AARSD1: variants seen among roughly 807,000 people sequenced by gnomAD.
The protein encoded by AARSD1 is alanyl-tRNA editing protein Aarsd1.
In AARSD1, 44 loss-of-function variants were observed where a neutral mutation model predicts 48.7. The observed-to-expected ratio is 0.90, with a 90% confidence interval of 0.71 to 1.16. The LOEUF is 1.16. Ranked by LOEUF, AARSD1 falls within the 50% of genes most tolerant of loss-of-function variation. The pLI is 0.00. For missense variants in AARSD1, 511 were observed against 523.1 expected (o/e 0.98, Z 0.23); for synonymous variants, 189 against 194.9 (o/e 0.97, Z 0.25).
rs1201004634 is a variant in AARSD1, at chr17:42,954,987, T to G, written c.862-20A>C. On this transcript the variant is annotated intron_variant, in intron 8 of 11. Coordinates refer to ENST00000427569, the MANE Select transcript of AARSD1 (RefSeq NM_001261434.2). Reference sequence around the variant, plus strand: ...GTTATTCTGAAATGGATATGGTAACTCAGTAGATAAATGGAAAGGATAACA... The same window carrying G: ...GTTATTCTGAAATGGATATGGTAACGCAGTAGATAAATGGAAAGGATAACA... The G allele has an allele frequency of 6.2e-7, 1 of 1,614,066 alleles. No individual in the cohort carries two copies. Among genetic ancestry groups the G allele is most frequent in the Admixed American group, 1.7e-5 (1 of 60,002 alleles).
chr17:42,964,286 TAGCCC>T, intron 1 of AARSD1, 49 bp from the exon 2 acceptor site: 2 of 1,611,732 alleles, frequency 1.2e-6, no homozygotes, highest in Non-Finnish European at 1.7e-6. Flanking sequence ...GCCCTAGCCC[TAGCCC>T]TCTCCACACC....
Position 42,964,198 on chromosome 17 carries a change from G to A in AARSD1, c.79C>T (p.Gln27Ter), listed in dbSNP as rs2049679902. The A allele has an allele frequency of 6.2e-7, 1 of 1,614,196 alleles. No individual in the cohort carries two copies. Among genetic ancestry groups the A allele is most frequent in the South Asian group, 1.1e-5 (1 of 91,084 alleles). Residue 27 changes from glutamine (Q) to a stop codon, truncating the protein, a stop_gained, in exon 2 of 12, where the codon CAG becomes TAG. Coordinates refer to ENST00000427569, the MANE Select transcript of AARSD1 (RefSeq NM_001261434.2). LOFTEE classifies it high-confidence loss of function. ...TTCTTGCCGTTGCTCCCTTCAGTCT[G>A]CAGCTCCGCGGGACAGCAGGAGACC... ...TVVSCCPAELQTEGSNGKKEV... is the reference protein window; with the variant it reads ...TVVSCCPAEL
chr17:42,953,164 G>A (rs1445233952), intron 10 of AARSD1, among the ~76,000 whole-genome samples: 1 of 152,086 alleles, frequency 6.6e-6, no homozygotes, highest in Non-Finnish European at 1.5e-5. Flanking sequence ...TATTTTAGTA[G>A]AGATAGGGTT....
At chr17:42,950,937 T>C (rs1297349751) in intron 11 of AARSD1, among the ~76,000 whole-genome samples, 1 of 151,786 alleles carries the variant, frequency 6.6e-6, no homozygotes, top group Non-Finnish European at 1.5e-5. Context: ...AGTGGGTGGA[T>C]CACCTGAGGT....
intron 2 of AARSD1, among the ~76,000 whole-genome samples, chr17:42,963,262 G>A (rs961664222): frequency 3.3e-5 from 5 of 150,712 alleles, no homozygotes; most frequent in African/African-American, 1.2e-4. Flanking sequence ...TATATTTTTA[G>A]TAGAGACAAG....
chr17:42,956,144 ATG>A, intron 6 of AARSD1, 58 bp downstream of exon 6: 2 of 1,612,290 alleles, frequency 1.2e-6, no homozygotes. Flanking sequence ...TCCCAGCCCC[ATG>A]TGATCCCCTC....
In AARSD1 at chr17:42,954,898, C is replaced by T; in HGVS notation, c.931G>A (p.Gly311Arg). Residue 311 changes from glycine (G) to arginine (R), a missense_variant, in exon 9 of 12, where the codon GGA (glycine) becomes AGA (arginine). By Grantham distance (125) the Gly-to-Arg change is moderately radical (BLOSUM62 -2). Coordinates refer to ENST00000427569, the MANE Select transcript of AARSD1 (RefSeq NM_001261434.2). Reference protein sequence around the residue: ...AHSLRNSPDWGGVVILHRKEG... With the variant: ...AHSLRNSPDWRGVVILHRKEG... ...CACCTGTGTAATATGACCACACCTCCCCAGTCTGGACTGTTCCTGAGGCTA... is the reference window on the plus strand; with the variant it reads ...CACCTGTGTAATATGACCACACCTCTCCAGTCTGGACTGTTCCTGAGGCTA... 6.2e-7 allele frequency: 1 copy of T among 1,614,128 alleles called. No homozygotes were observed. The highest frequency in any genetic ancestry group is 8.5e-7 in the Non-Finnish European group (1 of 1,180,006).
Position 42,961,270 on chromosome 17 carries a change from T to C in AARSD1, c.253A>G (p.Thr85Ala), listed in dbSNP as rs1215115820. Reference sequence around the variant, plus strand: ...ACCTGGCTTCCTGGATCCAGGGGTGTCTGGGTGAAATGATCAGCCTGTTCC... The same window carrying C: ...ACCTGGCTTCCTGGATCCAGGGGTGCCTGGGTGAAATGATCAGCCTGTTCC... Reference protein sequence around the residue: ...RGEQADHFTQTPLDPGSQVLV... With the variant: ...RGEQADHFTQAPLDPGSQVLV... The change falls in exon 3 of 12, where the codon ACA becomes GCA. Residue 85 changes from threonine (T) to alanine (A), a missense_variant. By Grantham distance (58) the Thr-to-Ala change is moderately conservative. Coordinates refer to ENST00000427569, the MANE Select transcript of AARSD1 (RefSeq NM_001261434.2). 6.2e-7 allele frequency: 1 copy of C among 1,614,110 alleles called. No homozygotes were observed.
chr17:42,954,371 A>C (rs1225920258), intron 9 of AARSD1, among the ~76,000 whole-genome samples: 1 of 152,032 alleles, frequency 6.6e-6, no homozygotes, highest in Non-Finnish European at 1.5e-5. Flanking sequence ...AAAACAAAAG[A>C]TACAGAGTTA....
chr17:42,964,327 C>T, intron 1 of AARSD1, 75 bp downstream of exon 1: 3 of 1,593,782 alleles, frequency 1.9e-6, no homozygotes, highest in African/African-American at 1.3e-5. Context: ...GTTGGCACTC[C>T]CTACACGTGG....
chr17:42,961,067 G>A, intron 3 of AARSD1, 125 bp downstream of exon 3: 1 of 1,425,114 alleles, frequency 7.0e-7, no homozygotes, highest in Non-Finnish European at 9.3e-7. Flanking sequence ...AATTACAGCT[G>A]ATTCTGAATA....
rs753176340 is a variant in AARSD1 at position 42,953,760 on chromosome 17, C to G, written c.972G>C (p.Glu324Asp). The change falls in exon 10 of 12, where the codon GAG (glutamate) becomes GAC (aspartate). Residue 324 changes from glutamate (E) to aspartate (D), a missense_variant. By Grantham distance (45) the Glu-to-Asp change is conservative (BLOSUM62 2). Coordinates refer to ENST00000427569, the MANE Select transcript of AARSD1 (RefSeq NM_001261434.2). ...TCTCATTGGCAATGATATTCATGAA[C>G]TCTGAATCACCCTCCTTCCTACAAC... Reference protein sequence around the residue: ...VILHRKEGDSEFMNIIANEIG... With the variant: ...VILHRKEGDSDFMNIIANEIG... 2.4e-5 allele frequency: 38 copies of G among 1,614,162 alleles called. 1 individual carries two copies. The Middle Eastern group carries it at 5.6e-3, about 238-fold the overall frequency.
At chr17:42,957,302 A>T (rs1453439303) in intron 3 of AARSD1, 107 bp from the exon 4 acceptor site, 30 of 1,428,354 alleles carry the variant, frequency 2.1e-5, no homozygotes, top group Non-Finnish European at 2.9e-5. Flanking sequence ...TCCTTGTTGA[A>T]GACCTGCTAA....
rs142454900 is a variant in AARSD1 at position 42,964,020 on chromosome 17, T to C, written c.171+86A>G. On this transcript the variant is annotated intron_variant, in intron 2 of 11. Coordinates refer to ENST00000427569, the MANE Select transcript of AARSD1 (RefSeq NM_001261434.2). ...TAAACTAAAGCTCATCTGAATTCAT[T>C]ATGGCTGAGAAAAAAGGGGCAGGAG... 1.5e-4 allele frequency: 240 copies of C among 1,586,288 alleles called. 1 individual carries two copies. In the East Asian group the frequency reaches 4.8e-3, roughly 32 times the overall value.
At chr17:42,950,788 G>T (rs983129791) in intron 11 of AARSD1, 60 bp from the exon 12 acceptor site, 25 of 1,561,782 alleles carry the variant, frequency 1.6e-5, no homozygotes, top group Non-Finnish European at 2.0e-5. Context: ...AAAAAACAAG[G>T]GCAGCTCTGA....
chr17:42,964,358 C>G, intron 1 of AARSD1, 44 bp downstream of exon 1: 1 of 1,567,338 alleles, frequency 6.4e-7, no homozygotes, highest in Non-Finnish European at 8.7e-7. Context: ...CCCAAACCGC[C>G]TTGCCGGCCC....
chr17:42,964,402 C>G lies in AARSD1; in HGVS notation c.39G>C (p.Glu13Asp). The G allele has an allele frequency of 2.6e-6, 4 of 1,551,856 alleles. No individual in the cohort carries two copies. The South Asian group carries it at 4.7e-5, about 18-fold the overall frequency. Residue 13 changes from glutamate (E) to aspartate (D), a missense_variant and splice_region_variant, in exon 1 of 12, where the codon GAG becomes GAC. By Grantham distance (45) the Glu-to-Asp change is conservative. Coordinates refer to ENST00000427569, the MANE Select transcript of AARSD1 (RefSeq NM_001261434.2). Reference protein sequence around the residue: ...FWCQRDSYAREFTTTVVSCCP... With the variant: ...FWCQRDSYARDFTTTVVSCCP... ...CAAGTGCCTCGCCGTGACGCCGTAC[C>G]TCTCGGGCATAACTGTCACGCTGAC... is the stretch of plus-strand genomic sequence containing the variant.
chr17:42,961,488 A>C (rs2049637557), intron 2 of AARSD1, 137 bp from the exon 3 acceptor site: 2 of 1,245,642 alleles, frequency 1.6e-6, no homozygotes, highest in South Asian at 2.9e-5. Flanking sequence ...AAGTGAAATG[A>C]GTCCACTTTG....
intron 9 of AARSD1, among the ~76,000 whole-genome samples, chr17:42,954,552 A>G (rs1216060762): frequency 6.6e-6 from 1 of 151,798 alleles, no homozygotes; most frequent in Non-Finnish European, 1.5e-5. Flanking sequence ...CTCCTGCCTC[A>G]GCCTCCTGAG....
Sources: allele counts gnomAD v4.1 joint callset (sites outside exome capture counted in the v4.1 genomes callset), GRCh38; gene constraint gnomAD v4.1.1; transcripts MANE v1.5; gene names NCBI Gene and HGNC (gene_info 2026-07-23, HGNC 2026-07-21).